MYH10: variants seen among roughly 807,000 people sequenced by gnomAD.
MYH10 encodes the protein myosin-10.
In MYH10, 55 loss-of-function variants were observed where a neutral mutation model predicts 257.8. The ratio of observed to expected loss-of-function variants is 0.21; its 90% confidence interval spans 0.17 to 0.27. The LOEUF is 0.27. Ranked by LOEUF, MYH10 falls within the 10% of genes least tolerant of loss-of-function variation. The probability of loss-of-function intolerance (pLI) is 1.00; values close to 1 mark genes in which losing one functional copy is unlikely to be tolerated. For missense variants in MYH10, 1,631 were observed against 2,500.6 expected (o/e 0.65, Z 7.42); for synonymous variants, 854 against 921.7 (o/e 0.93, Z 1.33).
intron 21 of MYH10, among the ~76,000 whole-genome samples, chr17:8,514,271 G>A (rs969492893): frequency 3.9e-5 from 6 of 152,156 alleles, no homozygotes; most frequent in Non-Finnish European, 5.9e-5. Context: ...TCTCTTTATC[G>A]TGCCTTTAGG....
At chr17:8,522,958 C>T (rs1028625434) in intron 17 of MYH10, among the ~76,000 whole-genome samples, 8 of 152,174 alleles carry the variant, frequency 5.3e-5, no homozygotes, top group African/African-American at 1.9e-4. Flanking sequence ...CCCTACTTCC[C>T]CCTCACTACT....
intron 36 of MYH10, among the ~76,000 whole-genome samples, chr17:8,486,519 A>C (rs1355504416): frequency 1.3e-5 from 2 of 150,240 alleles, no homozygotes; most frequent in Admixed American, 6.7e-5. Flanking sequence ...AAAAAAACAA[A>C]AAAAAAATCT....
intron 30 of MYH10, among the ~76,000 whole-genome samples, chr17:8,498,111 T>A (rs1363510133): frequency 2.7e-5 from 4 of 150,464 alleles, no homozygotes; most frequent in Non-Finnish European, 5.9e-5. Context: ...GCCTCCTGAG[T>A]AGCTGGGATT....
chr17:8,488,005 T>C (rs1293775564), intron 35 of MYH10, among the ~76,000 whole-genome samples: 1 of 151,994 alleles, frequency 6.6e-6, no homozygotes, highest in Non-Finnish European at 1.5e-5. Context: ...CCTAGAGCTG[T>C]GAGGACATGG....
intron 7 of MYH10, among the ~76,000 whole-genome samples, chr17:8,556,115 T>C (rs2151971745): frequency 6.6e-6 from 1 of 152,294 alleles, no homozygotes; most frequent in Middle Eastern, 3.4e-3. Flanking sequence ...CTAGAGTGGC[T>C]ACACATTTTA....
At chr17:8,503,293 T>TAATAA (rs2080964373) in intron 28 of MYH10, among the ~76,000 whole-genome samples, 1 of 127,706 alleles carries the variant, frequency 7.8e-6, no homozygotes. Context: ...CAAAAAAATA[T>TAATAA]AAAATAAAAA....
chr17:8,475,801 A>C lies in MYH10; in HGVS notation c.*3T>G. On this transcript the variant is annotated 3_prime_UTR_variant, in exon 43 of 43. Transcript: ENST00000360416. ...GTATTGCCTCCTCTGGCTTCCTGCA[A>C]CTTTACTCTGACTGGGGTGGCTGCG... is the stretch of plus-strand genomic sequence containing the variant. The C allele has an allele frequency of 1.2e-6, 2 of 1,613,816 alleles. No individual in the cohort carries two copies. The highest frequency in any genetic ancestry group is 1.7e-6 in the Non-Finnish European group (2 of 1,179,824).
At chr17:8,575,817 G>C (rs1156531576) in intron 6 of MYH10, among the ~76,000 whole-genome samples, 2 of 152,132 alleles carry the variant, frequency 1.3e-5, no homozygotes, top group Non-Finnish European at 2.9e-5. Flanking sequence ...ATCTGGCTCA[G>C]GTCTGCCCTC....
At chr17:8,488,738 C>T (rs1285322792) in intron 35 of MYH10, among the ~76,000 whole-genome samples, 1 of 152,030 alleles carries the variant, frequency 6.6e-6, no homozygotes, top group Non-Finnish European at 1.5e-5. Flanking sequence ...CAGGGGTTGG[C>T]ATGGGAGAGG....
chr17:8,577,742 G>A (rs1266974155), intron 4 of MYH10, among the ~76,000 whole-genome samples: 3 of 152,164 alleles, frequency 2.0e-5, no homozygotes, highest in Admixed American at 6.6e-5. Context: ...ATGTTGGCCA[G>A]GCTGGTCTCG....
At chr17:8,515,769 C>G (rs2081448917) in intron 21 of MYH10, among the ~76,000 whole-genome samples, 1 of 151,954 alleles carries the variant, frequency 6.6e-6, no homozygotes, top group Admixed American at 6.6e-5. Context: ...GTCTTGAACT[C>G]CTGACCTCAA....
intron 30 of MYH10, among the ~76,000 whole-genome samples, chr17:8,495,919 C>T (rs1446944384): frequency 6.6e-6 from 1 of 152,064 alleles, no homozygotes; most frequent in Non-Finnish European, 1.5e-5. Context: ...CCATGTTGGC[C>T]AGGCTGGTCT....
Position 8,490,656 on chromosome 17 carries a change from T to C in MYH10, c.4672-104A>G. ...GCCCACTCGTGGCATGCTGGCCACT[T>C]TGGTCCCCCTGGGCCGGCCCCCTGC... On this transcript the variant is annotated intron_variant, in intron 34 of 42. Transcript: ENST00000360416. The surrounding 1 kb of genome is among the most constrained non-coding windows in gnomAD (Gnocchi z 4.1). 1.7e-6 allele frequency: 2 copies of C among 1,160,684 alleles called. No homozygotes were observed. 71.9% of individuals were successfully genotyped at this position (1,160,684 alleles called of 1,614,324 possible).
At chr17:8,627,587 T>C (rs888884014) in intron 1 of MYH10, among the ~76,000 whole-genome samples, 8 of 152,214 alleles carry the variant, frequency 5.3e-5, no homozygotes, top group Admixed American at 2.0e-4. Flanking sequence ...CATGAGACCA[T>C]TGGAGATATT....
In MYH10 at chr17:8,546,570, C is replaced by T; in HGVS notation, c.1252G>A (p.Val418Met). The T allele has an allele frequency of 1.9e-6, 3 of 1,614,000 alleles. No homozygotes were observed. The highest frequency in any genetic ancestry group is 2.5e-6 in the Non-Finnish European group (3 of 1,179,946). Residue 418 changes from valine to methionine, a missense_variant, in exon 12 of 43, where the codon GTG becomes ATG. Val to Met is a conservative substitution (Grantham distance 21). Coordinates refer to ENST00000360416, the MANE Select transcript of MYH10 (RefSeq NM_001256012.3). ...TPRIKVGRDY[V>M]QKAQTKEQAD... ...TGTTCTTTGGTCTGGGCTTTTTGCACATAGTCTCGGCCGACCTTGATCCGG... is the reference window on the plus strand; with the variant it reads ...TGTTCTTTGGTCTGGGCTTTTTGCATATAGTCTCGGCCGACCTTGATCCGG...
At chr17:8,567,211 A>G (rs1315528608) in intron 7 of MYH10, among the ~76,000 whole-genome samples, 1 of 152,210 alleles carries the variant, frequency 6.6e-6, no homozygotes, top group Non-Finnish European at 1.5e-5. Flanking sequence ...AGAGTGACGG[A>G]AAGTCTGAAG....
At chr17:8,533,456 C>T (rs900618697) in intron 16 of MYH10, among the ~76,000 whole-genome samples, 1 of 152,154 alleles carries the variant, frequency 6.6e-6, no homozygotes, top group Non-Finnish European at 1.5e-5. Flanking sequence ...CTCCTGCCAA[C>T]TTCATTTCTA....
chr17:8,510,024 T>C, intron 24 of MYH10, 75 bp from the exon 25 acceptor site: 1 of 1,397,726 alleles, frequency 7.2e-7, no homozygotes, highest in South Asian at 1.5e-5. Context: ...CAGGAATGCA[T>C]TACAATGAGA....
intron 3 of MYH10, among the ~76,000 whole-genome samples, chr17:8,589,676 A>T (rs2084046800): frequency 6.6e-6 from 1 of 152,216 alleles, no homozygotes; most frequent in African/African-American, 2.4e-5. Flanking sequence ...GAGGATAAAC[A>T]TCTATAAATA....
Sources: allele counts gnomAD v4.1 joint callset (sites outside exome capture counted in the v4.1 genomes callset), GRCh38; gene constraint gnomAD v4.1.1; non-coding constraint Gnocchi (gnomAD v3.1); transcripts MANE v1.5; gene names NCBI Gene and HGNC (gene_info 2026-07-23, HGNC 2026-07-21).